SAMD4A: variants seen among roughly 807,000 people sequenced by gnomAD.
SAMD4A encodes protein Smaug homolog 1.
In SAMD4A, 33 loss-of-function variants were observed where a neutral mutation model predicts 81.3. The ratio of observed to expected loss-of-function variants is 0.41; its 90% CI spans 0.31 to 0.54. The LOEUF is 0.54. SAMD4A is among the 20% of genes least tolerant of loss of function. The pLI is 0.37. For synonymous variants in SAMD4A, 389 were observed against 382.1 expected, an observed-to-expected ratio of 1.02 and a Z score of -0.21; for missense variants, 854 against 951.1, an observed-to-expected ratio of 0.90 and a Z score of 1.34.
chr14:54,648,470 C>T (rs749490945), intron 2 of SAMD4A, among the ~76,000 whole-genome samples: 34 of 152,216 alleles, frequency 2.2e-4, no homozygotes, highest in Non-Finnish European at 4.6e-4. Context: ...GAATATCTAG[C>T]TTGAGACACC....
At chr14:54,585,218 G>A (rs926585903) in intron 2 of SAMD4A, among the ~76,000 whole-genome samples, 8 of 152,058 alleles carry the variant, frequency 5.3e-5, no homozygotes, top group South Asian at 4.1e-4. Flanking sequence ...TTAAATGACC[G>A]TGTAGCATTC....
chr14:54,785,349 G>A (rs985934842), intron 12 of SAMD4A, among the ~76,000 whole-genome samples: 7 of 152,250 alleles, frequency 4.6e-5, no homozygotes, highest in Non-Finnish European at 5.9e-5. Context: ...GCCCTGGGAG[G>A]CCTTCAGCTC....
chr14:54,763,046 G>A (rs1445149894), intron 7 of SAMD4A, among the ~76,000 whole-genome samples: 2 of 151,670 alleles, frequency 1.3e-5, no homozygotes, highest in African/African-American at 4.8e-5. Flanking sequence ...TAGTAGAGAC[G>A]GGGTTTCACC....
rs1333333041 is a variant in SAMD4A, at chr14:54,791,025, A to T, written c.*2081A>T. 6.6e-6 allele frequency: 1 copy of T among 152,186 alleles called. No individual in the cohort carries two copies. The highest frequency in any genetic ancestry group is 1.5e-5 in the Non-Finnish European group (1 of 68,022). 9.4% of individuals were successfully genotyped at this position (152,186 alleles called of 1,614,324 possible). ...ACCTCTCCTTGGGTGACTAAGTTCT[A>T]AAGATGCAAATCCATGTGCAGAAAG... On this transcript the variant is annotated 3_prime_UTR_variant, in exon 13 of 13. Coordinates refer to ENST00000554335, the MANE Select transcript of SAMD4A (RefSeq NM_015589.6).
At chr14:54,621,863 T>C (rs1021317546) in intron 2 of SAMD4A, among the ~76,000 whole-genome samples, 1 of 152,222 alleles carries the variant, frequency 6.6e-6, no homozygotes, top group Admixed American at 6.5e-5. Flanking sequence ...CTCATATCTG[T>C]TAATGCCAGC....
In SAMD4A at chr14:54,776,687, T is replaced by C. The variant is rs926023598; in HGVS notation, c.2044+147T>C. 5.8e-6 allele frequency: 6 copies of C among 1,031,284 alleles called. No individual in the cohort carries two copies. In the African/African-American group the frequency reaches 1.0e-4, roughly 17 times the overall value. The allele number at this position is 1,031,284 out of a possible 1,614,324, so 63.9% of individuals were successfully genotyped here. ...AGCCTTTCCTTTTTTAAACTGTGCCTTGCCAGCATGAATAGCGGCGGCTTG... is the reference window on the plus strand; with the variant it reads ...AGCCTTTCCTTTTTTAAACTGTGCCCTGCCAGCATGAATAGCGGCGGCTTG... On this transcript the variant is annotated intron_variant, in intron 11 of 12. Transcript: ENST00000554335.
intron 3 of SAMD4A, among the ~76,000 whole-genome samples, chr14:54,732,109 G>A (rs911590934): frequency 6.6e-6 from 1 of 152,154 alleles, no homozygotes; most frequent in Non-Finnish European, 1.5e-5. Context: ...AATCATCTCT[G>A]TCAAATGAGT....
intron 7 of SAMD4A, among the ~76,000 whole-genome samples, 167 bp downstream of exon 7, chr14:54,760,661 G>A (rs1039133442): frequency 5.9e-5 from 9 of 152,184 alleles, no homozygotes; most frequent in African/African-American, 2.2e-4. Flanking sequence ...TAAGCCTTTT[G>A]GGTTTGAACT....
At chr14:54,761,658 G>A (rs1010564863) in intron 7 of SAMD4A, among the ~76,000 whole-genome samples, 2 of 152,194 alleles carry the variant, frequency 1.3e-5, no homozygotes, top group African/African-American at 4.8e-5. Context: ...ACTCACCTTG[G>A]CATGCACTTG....
intron 2 of SAMD4A, among the ~76,000 whole-genome samples, chr14:54,695,899 G>C: frequency 6.9e-6 from 1 of 144,430 alleles, no homozygotes; most frequent in East Asian, 2.1e-4. Flanking sequence ...GTTACAGTGA[G>C]CCAAGACCAT....
intron 2 of SAMD4A, among the ~76,000 whole-genome samples, chr14:54,602,456 C>T (rs1031412241): frequency 9.9e-5 from 15 of 151,742 alleles, no homozygotes; most frequent in African/African-American, 2.9e-4. Context: ...CTTCTGGTTG[C>T]GTGGAACAGA....
intron 2 of SAMD4A, among the ~76,000 whole-genome samples, chr14:54,670,184 C>T (rs1365618348): frequency 1.3e-5 from 2 of 152,170 alleles, no homozygotes; most frequent in African/African-American, 4.8e-5. Flanking sequence ...ATTCCCCGCC[C>T]CCATCTGCAC....
chr14:54,600,026 A>G (rs1283585534), intron 2 of SAMD4A, among the ~76,000 whole-genome samples: 1 of 152,154 alleles, frequency 6.6e-6, no homozygotes, highest in Admixed American at 6.5e-5. Flanking sequence ...TCTACTCCAA[A>G]CCTTGTACCA....
intron 6 of SAMD4A, among the ~76,000 whole-genome samples, chr14:54,752,048 G>T (rs1292721566): frequency 1.3e-5 from 2 of 152,216 alleles, no homozygotes; most frequent in Non-Finnish European, 2.9e-5. Context: ...GACATATTTG[G>T]CTCTCAAGAG....
chr14:54,763,003 C>T (rs1029594974), intron 7 of SAMD4A, among the ~76,000 whole-genome samples: 14 of 151,788 alleles, frequency 9.2e-5, no homozygotes, highest in African/African-American at 4.8e-5. Flanking sequence ...TACAGGCGCC[C>T]GCCACCACGC....
intron 2 of SAMD4A, among the ~76,000 whole-genome samples, chr14:54,592,071 A>T (rs1338020810): frequency 6.6e-6 from 1 of 150,682 alleles, no homozygotes; most frequent in Admixed American, 6.6e-5. Context: ...CCCCATGTGC[A>T]TCCCACCCAT....
intron 7 of SAMD4A, among the ~76,000 whole-genome samples, chr14:54,764,145 A>G (rs2038476829): frequency 1.3e-5 from 2 of 152,180 alleles, no homozygotes; most frequent in African/African-American, 4.8e-5. Context: ...ACTTTCAAAG[A>G]CCAAGCTCAG....
chr14:54,567,076 T>A (rs1420348202), upstream of SAMD4A: 1 of 152,822 alleles, frequency 6.5e-6, no homozygotes, highest in Non-Finnish European at 1.5e-5. Flanking sequence ...GGGCTGCCGC[T>A]GCCTCCGCCT....
At chr14:54,759,092 G>A (rs532702797) in intron 6 of SAMD4A, among the ~76,000 whole-genome samples, 25 of 152,176 alleles carry the variant, frequency 1.6e-4, no homozygotes, top group Non-Finnish European at 3.4e-4. Flanking sequence ...GTAGTGCCCA[G>A]TATATCAAAC....
Sources: allele counts gnomAD v4.1 joint callset (sites outside exome capture counted in the v4.1 genomes callset), GRCh38; gene constraint gnomAD v4.1.1; transcripts MANE v1.5; gene names NCBI Gene and HGNC (gene_info 2026-07-23, HGNC 2026-07-21).